BEAN1: variants seen among roughly 807,000 people sequenced by gnomAD.
BEAN1 encodes protein BEAN1.
A neutral mutation model predicts 17.7 loss-of-function variants in BEAN1; 17 were observed. The observed-to-expected ratio is 0.96, with a 90% CI of 0.66 to 1.44. The LOEUF (loss-of-function observed/expected upper bound fraction) is 1.44. BEAN1 is among the 40% of genes most tolerant of loss of function. The pLI is 0.00. For missense variants in BEAN1, 359 were observed against 374.1 expected, an observed-to-expected ratio of 0.96 and a Z score of 0.33; for synonymous variants, 142 against 151.8, an observed-to-expected ratio of 0.94 and a Z score of 0.47.
chr16:66,427,320 G>T lies in BEAN1; in HGVS notation c.-194G>T, dbSNP rs932612122. ...GCGACGCCCGAGCCCGAGCGCAGTG[G>T]CCTCCGAGCGGGAACCGGACTGGGA... On this transcript the variant is annotated 5_prime_UTR_variant, in exon 1 of 5. Transcript: ENST00000536005. This position sits in a 1 kb window ranked among gnomAD's most constrained non-coding sequence, Gnocchi z 4.7. 2 of 151,240 alleles carry T rather than the reference G, an allele frequency of 1.3e-5. No individual in the cohort carries two copies. Among genetic ancestry groups the T allele is most frequent in the Non-Finnish European group, 2.9e-5 (2 of 67,830 alleles). The allele number at this position is 151,240 out of a possible 1,614,324, so 9.4% of individuals were successfully genotyped here. A position where few individuals can be genotyped will look rare whatever the true frequency, so the allele number is the denominator to read the frequency against.
intron 4 of BEAN1, 21 bp downstream of exon 4, chr16:66,477,731 AG>A: frequency 1.3e-6 from 2 of 1,523,444 alleles, no homozygotes; most frequent in African/African-American, 1.4e-5. Context: ...CTCATGGGGA[AG>A]GGGGCATCAG....
intron 2 of BEAN1, among the ~76,000 whole-genome samples, chr16:66,438,972 C>G (rs1962142272): frequency 6.6e-6 from 1 of 152,180 alleles, no homozygotes; most frequent in African/African-American, 2.4e-5. Context: ...GCCTCCCCAA[C>G]TCGCCATTGT....
chr16:66,445,819 C>G (rs1157146123), intron 2 of BEAN1, among the ~76,000 whole-genome samples: 1 of 152,104 alleles, frequency 6.6e-6, no homozygotes, highest in East Asian at 1.9e-4. Context: ...GAGAAGGGAC[C>G]TGATCATCCT....
downstream of BEAN1, chr16:66,482,983 A>T (rs1238999308): frequency 2.3e-6 from 1 of 443,446 alleles, no homozygotes; most frequent in African/African-American, 2.0e-5. Context: ...CAGCCTCCTA[A>T]GCAGCTGGGA....
In BEAN1 at chr16:66,469,529, G is replaced by A. The variant is rs893957014; in HGVS notation, c.26-73G>A. 9 of 1,431,742 alleles carry A rather than the reference G, an allele frequency of 6.3e-6. No homozygotes were observed. The African/African-American group carries it at 9.9e-5, about 16-fold the overall frequency. The allele number at this position is 1,431,742 out of a possible 1,614,324, so 88.7% of individuals were successfully genotyped here. ...TATTTAGGGAGCAACAGCTCACAGG[G>A]CAGCACGGGCAGAGAAGGAAGGGGT... On this transcript the variant is annotated intron_variant, in intron 2 of 4. Coordinates refer to ENST00000536005, the MANE Select transcript of BEAN1 (RefSeq NM_001178020.3).
At chr16:66,441,385 A>T (rs773916512) in intron 2 of BEAN1, among the ~76,000 whole-genome samples, 1 of 152,180 alleles carries the variant, frequency 6.6e-6, no homozygotes, top group Non-Finnish European at 1.5e-5. Flanking sequence ...TCACATGGAC[A>T]CACACCCCTG....
chr16:66,429,124 A>G (rs1360000051), intron 1 of BEAN1, among the ~76,000 whole-genome samples: 1 of 152,208 alleles, frequency 6.6e-6, no homozygotes, highest in Non-Finnish European at 1.5e-5. Flanking sequence ...CTGAGGAGCC[A>G]TCAGGCTGTC....
At chr16:66,487,544 C>A (rs1030108119), downstream of BEAN1, among the ~76,000 whole-genome samples, 3 of 152,162 alleles carry the variant, frequency 2.0e-5, no homozygotes, top group Non-Finnish European at 4.4e-5. Context: ...GAGTTCCAGA[C>A]CTGGGACCCT....
chr16:66,453,342 TACACACACAC>T lies in BEAN1; in HGVS notation c.25+15659_25+15668del, dbSNP rs34867737. On this transcript the variant is annotated intron_variant, in intron 2 of 4. Transcript: ENST00000536005. ...TGTTGTGTTTTTTTTCATTCTGTTA[TACACACACAC>T]ACACACACACACACACATTGTTTTG... Among the ~76,000 whole-genome samples, 659 of 147,728 alleles carry T rather than the reference TACACACACAC, an allele frequency of 4.5e-3. 4 individuals carry two copies. The highest frequency in any genetic ancestry group is 0.015 in the African/African-American group (599 of 40,320).
chr16:66,466,027 T>C (rs1963249241), intron 2 of BEAN1, among the ~76,000 whole-genome samples: 1 of 152,244 alleles, frequency 6.6e-6, no homozygotes, highest in Non-Finnish European at 1.5e-5. Flanking sequence ...TTGGCCAGGC[T>C]GGACTTGAAC....
intron 2 of BEAN1, among the ~76,000 whole-genome samples, chr16:66,445,002 C>T (rs1009011994): frequency 1.3e-5 from 2 of 152,144 alleles, no homozygotes; most frequent in African/African-American, 4.8e-5. Context: ...TTCATTCGTT[C>T]AACAAATATT....
At chr16:66,443,521 C>CTTT in intron 2 of BEAN1, among the ~76,000 whole-genome samples, 1 of 152,310 alleles carries the variant, frequency 6.6e-6, no homozygotes, top group East Asian at 1.9e-4. Context: ...TCCTTCATTG[C>CTTT]CACAGCAGGG....
chr16:66,488,518 CAAAAAAAAAAAA>C (rs35976761), intron 4 of BEAN1, among the ~76,000 whole-genome samples: 4 of 49,242 alleles, frequency 8.1e-5, no homozygotes, highest in Non-Finnish European at 1.7e-4. Flanking sequence ...TTATCACTAC[CAAAAAAAAAAAA>C]AAAAAAAAAA....
downstream of BEAN1, chr16:66,484,962 C>G: frequency 2.2e-6 from 1 of 454,108 alleles, no homozygotes; most frequent in Non-Finnish European, 4.4e-6. This position sits in a 1 kb window ranked among gnomAD's most constrained non-coding sequence, Gnocchi z 4.2. Context: ...ACCGTGCTGG[C>G]GATGACGCCA....
chr16:66,438,014 C>T (rs1224971689), intron 2 of BEAN1: 11 of 437,370 alleles, frequency 2.5e-5, no homozygotes, highest in Non-Finnish European at 4.2e-5. Flanking sequence ...GACTACATGG[C>T]CAAGTAAGTG....
At position 66,473,099 on chromosome 16, in the gene BEAN1, C is replaced by T. The variant is rs559312904; in HGVS notation, c.289+3234C>T. Among the ~76,000 whole-genome samples, 3 of 152,226 alleles carry T rather than the reference C, an allele frequency of 2.0e-5. No homozygotes were observed. Among genetic ancestry groups the T allele is most frequent in the East Asian group, 1.9e-4 (1 of 5,160 alleles). On this transcript the variant is annotated intron_variant, in intron 3 of 4. Coordinates refer to ENST00000536005, the MANE Select transcript of BEAN1 (RefSeq NM_001178020.3). The surrounding 1 kb of genome is among the most constrained non-coding windows in gnomAD (Gnocchi z 4.5). The stretch of plus-strand genomic sequence containing the variant: ...GTTCAATGACTTATCTTGGAGTGCA[C>T]GCTAGGCGCCCACAGTAGTTCCCAA...
At chr16:66,485,521 C>T (rs942800517), downstream of BEAN1, 4 of 227,878 alleles carry the variant, frequency 1.8e-5, no homozygotes, top group South Asian at 6.1e-5. Context: ...TGCACGTCCT[C>T]GGGGCCAGAG....
intron 2 of BEAN1, among the ~76,000 whole-genome samples, chr16:66,449,081 C>T (rs1341948437): frequency 6.6e-6 from 1 of 152,120 alleles, no homozygotes; most frequent in Non-Finnish European, 1.5e-5. Context: ...CAGTCACTAT[C>T]CCATGTCAAG....
At chr16:66,479,299 G>A (rs1385181294) in intron 4 of BEAN1, among the ~76,000 whole-genome samples, 3 of 152,100 alleles carry the variant, frequency 2.0e-5, no homozygotes, top group African/African-American at 4.8e-5. Flanking sequence ...TGCTTCTGAT[G>A]GAGGTGGAGG....
Sources: gnomAD v4.1 joint callset for allele counts (sites outside exome capture counted in the v4.1 genomes callset) on GRCh38, gnomAD v4.1.1 for gene constraint, Gnocchi (gnomAD v3.1) non-coding constraint, MANE v1.5 for transcripts, NCBI Gene and HGNC (gene_info 2026-07-23, HGNC 2026-07-21) for gene names.